Variants in IGF1R observed in about 807,000 individuals in gnomAD.
The protein encoded by IGF1R is insulin like growth factor 1 receptor, also known as insulin-like growth factor 1 receptor.
IGF1R carries 44 observed loss-of-function variants against 144.6 expected under a neutral mutation model. The ratio of observed to expected loss-of-function variants is 0.30; its 90% confidence interval spans 0.24 to 0.39. IGF1R has a LOEUF of 0.39. Ranked by LOEUF, IGF1R falls within the 10% of genes least tolerant of loss-of-function variation. The probability of loss-of-function intolerance (pLI) is 1.00; values close to 1 mark genes in which losing one functional copy is unlikely to be tolerated. For missense variants in IGF1R, 1,355 were observed against 1,833.7 expected (o/e 0.74, Z 4.77); for synonymous variants, 795 against 722.8 (o/e 1.10, Z -1.60).
chr15:98,650,988 G>A (rs2052349296), intron 1 of IGF1R: 1 of 985,228 alleles, frequency 1.0e-6, no homozygotes, highest in Non-Finnish European at 1.2e-6. Flanking sequence ...TGAAAGTGTG[G>A]CTTACTGGTA....
intron 2 of IGF1R, among the ~76,000 whole-genome samples, chr15:98,815,035 A>G (rs992758085): frequency 2.0e-5 from 3 of 152,264 alleles, no homozygotes; most frequent in African/African-American, 7.2e-5. Context: ...CAGAAAAATA[A>G]TTAGTAGTAC....
chr15:98,667,128 C>T (rs1001188198), intron 1 of IGF1R, among the ~76,000 whole-genome samples: 8 of 151,244 alleles, frequency 5.3e-5, no homozygotes, highest in African/African-American at 1.7e-4. Flanking sequence ...TATCAAGAGA[C>T]AGTATTGCAG....
chr15:98,784,750 A>G (rs1001710182), intron 2 of IGF1R, among the ~76,000 whole-genome samples: 2 of 152,174 alleles, frequency 1.3e-5, no homozygotes, highest in African/African-American at 2.4e-5. Context: ...AAAGACAACA[A>G]ATTTAAAAAC....
intron 3 of IGF1R, among the ~76,000 whole-genome samples, chr15:98,894,016 T>G (rs1486565556): frequency 6.6e-6 from 1 of 152,244 alleles, no homozygotes; most frequent in Non-Finnish European, 1.5e-5. Context: ...TAGAAAAACA[T>G]TTTTTAAGTG....
intron 2 of IGF1R, among the ~76,000 whole-genome samples, chr15:98,780,234 T>G (rs1028436745): frequency 4.6e-5 from 7 of 152,080 alleles, no homozygotes; most frequent in Non-Finnish European, 2.9e-5. Context: ...TGCAGTGTAT[T>G]GTCTCATTTA....
chr15:98,908,939 A>G (rs770329921), intron 6 of IGF1R, 40 bp downstream of exon 6: 4 of 1,562,298 alleles, frequency 2.6e-6, no homozygotes, highest in Non-Finnish European at 3.5e-6. Flanking sequence ...CCCAACCATC[A>G]TGATAACAGC....
At chr15:98,806,075 C>T (rs1317211593) in intron 2 of IGF1R, among the ~76,000 whole-genome samples, 1 of 152,140 alleles carries the variant, frequency 6.6e-6, no homozygotes, top group African/African-American at 2.4e-5. Context: ...TGATAACTTG[C>T]TAGGTTATTA....
intron 2 of IGF1R, among the ~76,000 whole-genome samples, chr15:98,805,570 C>G (rs1373283223): frequency 6.6e-6 from 1 of 152,152 alleles, no homozygotes; most frequent in African/African-American, 2.4e-5. Flanking sequence ...TCCAGCCCTT[C>G]TGAAATGCAG....
At chr15:98,671,473 A>G (rs1438322902) in intron 1 of IGF1R, among the ~76,000 whole-genome samples, 1 of 152,178 alleles carries the variant, frequency 6.6e-6, no homozygotes, top group African/African-American at 2.4e-5. Context: ...CTGAGCTTGT[A>G]ATTATAGGGG....
At chr15:98,823,220 G>GA (rs1255837703) in intron 2 of IGF1R, among the ~76,000 whole-genome samples, 1 of 152,220 alleles carries the variant, frequency 6.6e-6, no homozygotes, top group Non-Finnish European at 1.5e-5. Flanking sequence ...CTTTCTGTTT[G>GA]AAAGTGACTT....
At chr15:98,731,648 C>G (rs1169032520) in intron 2 of IGF1R, among the ~76,000 whole-genome samples, 1 of 152,168 alleles carries the variant, frequency 6.6e-6, no homozygotes, top group African/African-American at 2.4e-5. Flanking sequence ...GTCGTGTGGA[C>G]ACGTGAGAGG....
In IGF1R at chr15:98,704,330, G is replaced by A. The variant is rs1275583664; in HGVS notation, c.95-3232G>A. 2.6e-5 allele frequency among the ~76,000 whole-genome samples: 4 copies of A among 152,136 alleles called. No homozygotes were observed. The highest frequency in any genetic ancestry group is 6.5e-5 in the Admixed American group (1 of 15,278). On this transcript the variant is annotated intron_variant, in intron 1 of 20. Transcript: ENST00000650285. The surrounding 1 kb of genome is among the most constrained non-coding windows in gnomAD (Gnocchi z 4.9). Reference sequence around the variant, plus strand: ...TTAGGCAGAGCTCTGAGGAGGTGACGTTTGAGTGGAGACCCAGATGGCTAG... The same window carrying A: ...TTAGGCAGAGCTCTGAGGAGGTGACATTTGAGTGGAGACCCAGATGGCTAG...
chr15:98,874,567 G>C (rs931303905), intron 2 of IGF1R, among the ~76,000 whole-genome samples: 5 of 152,202 alleles, frequency 3.3e-5, no homozygotes, highest in Non-Finnish European at 5.9e-5. Context: ...GGGCTCAGAG[G>C]CTGGGGACCT....
At position 98,659,483 on chromosome 15, in the gene IGF1R, C is replaced by T. The variant is rs139156466; in HGVS notation, c.94+9808C>T. On this transcript the variant is annotated intron_variant, in intron 1 of 20. Transcript: ENST00000650285. Reference sequence around the variant, plus strand: ...CAAGGAGGAAGATAGCGATCCCAACCCACTCTCTGGCTTGCTTCCTGGGGA... The same window carrying T: ...CAAGGAGGAAGATAGCGATCCCAACTCACTCTCTGGCTTGCTTCCTGGGGA... Among the ~76,000 whole-genome samples the T allele has an allele frequency of 3.8e-3, 578 of 152,254 alleles. 4 individuals carry two copies. The highest frequency in any genetic ancestry group is 0.014 in the Middle Eastern group (4 of 294).
At chr15:98,750,676 T>TA (rs1473897831) in intron 2 of IGF1R, among the ~76,000 whole-genome samples, 4 of 152,196 alleles carry the variant, frequency 2.6e-5, no homozygotes, top group Non-Finnish European at 5.9e-5. Context: ...AATAATTGCC[T>TA]AAAACTATTC....
intron 2 of IGF1R, among the ~76,000 whole-genome samples, chr15:98,751,372 A>T (rs901416582): frequency 2.7e-5 from 4 of 148,436 alleles, no homozygotes; most frequent in Admixed American, 6.8e-5. Flanking sequence ...GGTAATTTCT[A>T]AAAAAAAAAG....
chr15:98,818,737 C>T (rs1450530910), intron 2 of IGF1R, among the ~76,000 whole-genome samples: 1 of 110,414 alleles, frequency 9.1e-6, no homozygotes, highest in African/African-American at 3.4e-5. Context: ...ATGCCAGAAG[C>T]CCACCCACCC....
At chr15:98,896,721 ATG>A (rs1266406662) in intron 3 of IGF1R, 34 bp from the exon 4 acceptor site, 1 of 1,603,738 alleles carries the variant, frequency 6.2e-7, no homozygotes, top group East Asian at 2.2e-5. Context: ...AGACTCAATT[ATG>A]TGTGTTTTTG....
chr15:98,745,642 TTATG>T (rs1403530048), intron 2 of IGF1R, among the ~76,000 whole-genome samples: 3 of 152,244 alleles, frequency 2.0e-5, no homozygotes, highest in Non-Finnish European at 4.4e-5. Flanking sequence ...GAAGATTTCT[TTATG>T]AAAGATGGCT....
Sources: allele counts gnomAD v4.1 joint callset (sites outside exome capture counted in the v4.1 genomes callset), GRCh38; gene constraint gnomAD v4.1.1; non-coding constraint Gnocchi (gnomAD v3.1); transcripts MANE v1.5; gene names NCBI Gene and HGNC (gene_info 2026-07-23, HGNC 2026-07-21).